Variants in KAT2B observed in about 807,000 individuals in gnomAD.
The protein encoded by KAT2B is histone acetyltransferase KAT2B.
KAT2B carries 36 observed loss-of-function variants against 105.9 expected under a neutral mutation model. The ratio of observed to expected loss-of-function variants is 0.34; its 90% CI spans 0.26 to 0.45. KAT2B has a LOEUF of 0.45. KAT2B is among the 20% of genes least tolerant of loss of function. The pLI is 1.00. For synonymous variants in KAT2B, 397 were observed against 377.9 expected (o/e 1.05, Z -0.59); for missense variants, 820 against 1,021.6 (o/e 0.80, Z 2.69).
intron 2 of KAT2B, among the ~76,000 whole-genome samples, chr3:20,094,585 A>G (rs1409592240): frequency 6.6e-6 from 1 of 152,186 alleles, no homozygotes; most frequent in Non-Finnish European, 1.5e-5. Context: ...GAGTGAGGAG[A>G]GAGTCAATGG....
At chr3:20,114,413 T>C (rs1372357640) in intron 6 of KAT2B, among the ~76,000 whole-genome samples, 1 of 152,222 alleles carries the variant, frequency 6.6e-6, no homozygotes, top group South Asian at 2.1e-4. Context: ...TAGTAAGAGC[T>C]ATATATGTGC....
Position 20,099,916 on chromosome 3 carries a change from G to C in KAT2B, c.631G>C (p.Glu211Gln), listed in dbSNP as rs1293424626. The C allele has an allele frequency of 6.2e-7, 1 of 1,608,682 alleles. No homozygotes were observed. The highest frequency in any genetic ancestry group is 1.1e-5 in the South Asian group (1 of 90,920). Residue 211 changes from glutamate to glutamine, a missense_variant, in exon 4 of 18, where the codon GAA becomes CAA. Transcript: ENST00000263754. ...RGKPVVEGSL[E>Q]KKPPFEKPSI... Reference sequence around the variant, plus strand: ...AAAACCTGTGGTTGAAGGCTCTTTGGAAAAGAAACCCCCATTTGAAAAACC... The same window carrying C: ...AAAACCTGTGGTTGAAGGCTCTTTGCAAAAGAAACCCCCATTTGAAAAACC...
rs777985994 is a variant in KAT2B at position 20,114,888 on chromosome 3, G to C, written c.1050G>C (p.Leu350=). Residue 350 remains leucine (L), a synonymous_variant, in exon 7 of 18, where the codon CTG becomes CTC. Transcript: ENST00000263754. Reference sequence around the variant, plus strand: ...CTATTACTCTTGTGTCTAGATTTCTGTCCATGCTAGAAGAAGAAGTATATA... The same window carrying C: ...CTATTACTCTTGTGTCTAGATTTCTCTCCATGCTAGAAGAAGAAGTATATA... ...TLILTHFPKF[L]SMLEEEVYSQ... 6.3e-7 allele frequency: 1 copy of C among 1,577,398 alleles called. No homozygotes were observed. The highest frequency in any genetic ancestry group is 8.7e-7 in the Non-Finnish European group (1 of 1,148,846).
At chr3:20,133,330 C>T (rs1699544216) in intron 11 of KAT2B, among the ~76,000 whole-genome samples, 1 of 152,062 alleles carries the variant, frequency 6.6e-6, no homozygotes, top group Admixed American at 6.5e-5. Flanking sequence ...AGCTTTAGTG[C>T]ATATATGTGA....
chr3:20,088,897 A>G lies in KAT2B; in HGVS notation c.431-6366A>G, dbSNP rs1698666646. Among the ~76,000 whole-genome samples the G allele has an allele frequency of 2.0e-5, 3 of 152,158 alleles. 1 individual carries two copies. Among genetic ancestry groups the G allele is most frequent in the South Asian group, 4.1e-4 (2 of 4,830 alleles). On this transcript the variant is annotated intron_variant, in intron 2 of 17. Transcript: ENST00000263754. ...AGGTCTATATTTAAGTCTTTAGTCC[A>G]TTTTGAATAGGTTTTTGTATATGGT...
chr3:20,063,255 A>G (rs1029354475), intron 1 of KAT2B, among the ~76,000 whole-genome samples: 20 of 151,650 alleles, frequency 1.3e-4, no homozygotes, highest in Non-Finnish European at 2.6e-4. Flanking sequence ...TTTTGTAGAG[A>G]TGGAGTCTTG....
chr3:20,106,979 G>GTATGTATA (rs1699019836), intron 5 of KAT2B, among the ~76,000 whole-genome samples: 1 of 33,498 alleles, frequency 3.0e-5, no homozygotes, highest in Non-Finnish European at 5.4e-5. Context: ...ATATATATAT[G>GTATGTATA]TATATATATA....
At chr3:20,097,555 G>A (rs1233580160) in intron 3 of KAT2B, among the ~76,000 whole-genome samples, 2 of 151,948 alleles carry the variant, frequency 1.3e-5, no homozygotes, top group Non-Finnish European at 2.9e-5. Flanking sequence ...TAACTTTTTT[G>A]AGACAGAATC....
chr3:20,050,654 A>G (rs1482950927), intron 1 of KAT2B, among the ~76,000 whole-genome samples: 7 of 152,150 alleles, frequency 4.6e-5, no homozygotes. Flanking sequence ...AAACATTGCC[A>G]GCAATTTTCA....
intron 2 of KAT2B, among the ~76,000 whole-genome samples, chr3:20,083,279 CAT>C (rs1290061202): frequency 1.3e-5 from 2 of 150,022 alleles, no homozygotes; most frequent in African/African-American, 2.5e-5. Flanking sequence ...CTCCTAGACT[CAT>C]AAATAATAGA....
chr3:20,085,641 G>C (rs1384459253), intron 2 of KAT2B, among the ~76,000 whole-genome samples: 1 of 151,464 alleles, frequency 6.6e-6, no homozygotes. Context: ...CTCCCGAGTC[G>C]CTGGGACTAC....
chr3:20,118,763 A>G (rs1313035615), intron 7 of KAT2B, among the ~76,000 whole-genome samples: 1 of 146,580 alleles, frequency 6.8e-6, no homozygotes, highest in Non-Finnish European at 1.5e-5. Flanking sequence ...AGAGCGAACT[A>G]TATATATAAT....
intron 1 of KAT2B, among the ~76,000 whole-genome samples, chr3:20,063,102 C>CT (rs1698165308): frequency 6.6e-6 from 1 of 152,056 alleles, no homozygotes; most frequent in African/African-American, 2.4e-5. Flanking sequence ...GTATCTTGCT[C>CT]TGTTTCCCAG....
chr3:20,131,138 C>A (rs558889137), intron 11 of KAT2B, among the ~76,000 whole-genome samples: 1 of 151,482 alleles, frequency 6.6e-6, no homozygotes, highest in Admixed American at 6.6e-5. Flanking sequence ...GCCTCAGCCT[C>A]CCGAGTAGCT....
chr3:20,072,663 C>G lies in KAT2B; in HGVS notation c.430+204C>G, dbSNP rs1263298368. On this transcript the variant is annotated intron_variant, in intron 2 of 17. Coordinates refer to ENST00000263754, the MANE Select transcript of KAT2B (RefSeq NM_003884.5). ...GCTGCACTGTGTGCAGTGACTTTGTCCCTTCTTCCTTTCAAGAGCTGAGTT... is the reference window on the plus strand; with the variant it reads ...GCTGCACTGTGTGCAGTGACTTTGTGCCTTCTTCCTTTCAAGAGCTGAGTT... Among the ~76,000 whole-genome samples, 8 of 152,212 alleles carry G rather than the reference C, an allele frequency of 5.3e-5. No homozygotes were observed. The East Asian group carries it at 1.5e-3, about 29-fold the overall frequency.
chr3:20,121,729 CATATGTGTGTGT>C (rs1247379304), intron 8 of KAT2B, among the ~76,000 whole-genome samples: 1,958 of 120,360 alleles, frequency 0.016, 35 homozygotes, highest in Middle Eastern at 0.042. Flanking sequence ...TACACATATG[CATATGTGTGTGT>C]GTGTGTGTGT....
intron 17 of KAT2B, among the ~76,000 whole-genome samples, chr3:20,149,495 CAAAAAAAA>C (rs56091316): frequency 4.2e-4 from 18 of 42,446 alleles, no homozygotes; most frequent in Non-Finnish European, 5.3e-4. Flanking sequence ...GACCGTATCT[CAAAAAAAA>C]AAAAAAAAAA....
At position 20,097,698 on chromosome 3, in the gene KAT2B, G is replaced by A. The variant is rs145259608; in HGVS notation, c.577-2164G>A. 9.9e-3 allele frequency among the ~76,000 whole-genome samples: 1,510 copies of A among 151,930 alleles called. 26 individuals are homozygous for A. The highest frequency in any genetic ancestry group is 0.032 in the African/African-American group (1,310 of 41,426). On this transcript the variant is annotated intron_variant, in intron 3 of 17. Coordinates refer to ENST00000263754, the MANE Select transcript of KAT2B (RefSeq NM_003884.5). ...ATTACAGGTGTGTGCCGCCATGCCC[G>A]GCTAATATTTGTATTTTTAGTAGAG...
Position 20,040,728 on chromosome 3 carries a change from C to T in KAT2B, c.251C>T (p.Ser84Phe). ...RIAVKKAQLR[S>F]APRAKKLEKL... is the part of the protein sequence containing the mutation. ...GCCGTGAAGAAAGCGCAACTACGCT[C>T]CGCTCCGCGGGCCAAGAAACTGGAG... Residue 84 changes from serine to phenylalanine, a missense_variant, in exon 1 of 18, where the codon TCC becomes TTC. By Grantham distance (155) the Ser-to-Phe change is radical. Coordinates refer to ENST00000263754, the MANE Select transcript of KAT2B (RefSeq NM_003884.5). The T allele has an allele frequency of 2.5e-6, 4 of 1,596,800 alleles. No individual in the cohort carries two copies. The highest frequency in any genetic ancestry group is 2.6e-6 in the Non-Finnish European group (3 of 1,174,370).
Sources: allele counts gnomAD v4.1 joint callset (sites outside exome capture counted in the v4.1 genomes callset), GRCh38; gene constraint gnomAD v4.1.1; transcripts MANE v1.5; gene names NCBI Gene and HGNC (gene_info 2026-07-23, HGNC 2026-07-21).